The following ESCO1 variants were observed in gnomAD, a reference collection of about 807,000 sequenced individuals.
The protein encoded by ESCO1 is establishment of sister chromatid cohesion N-acetyltransferase 1.
A neutral mutation model predicts 83.5 loss-of-function variants in ESCO1; 33 were observed. The ratio of observed to expected loss-of-function variants is 0.40; its 90% CI spans 0.30 to 0.53. The LOEUF is 0.53. Among genes scored for constraint, ESCO1 ranks in the 20% least tolerant of loss-of-function variants. ESCO1 has a pLI of 0.63. For synonymous variants in ESCO1, 332 were observed against 324.3 expected (o/e 1.02, Z -0.25); for missense variants, 855 against 968.0 (o/e 0.88, Z 1.55).
At chr18:21,590,357 G>C (rs1372474952) in intron 1 of ESCO1, among the ~76,000 whole-genome samples, 1 of 151,812 alleles carries the variant, frequency 6.6e-6, no homozygotes, top group Non-Finnish European at 1.5e-5. Flanking sequence ...CAGTAGCTGG[G>C]ACTACAGGCA....
chr18:21,535,458 C>CT (rs1259607823), intron 10 of ESCO1, among the ~76,000 whole-genome samples: 1 of 151,866 alleles, frequency 6.6e-6, no homozygotes, highest in Non-Finnish European at 1.5e-5. Flanking sequence ...TCTTGGCTCA[C>CT]TGCAACCTCT....
chr18:21,582,326 T>G (rs946091169), intron 2 of ESCO1, among the ~76,000 whole-genome samples: 1 of 151,250 alleles, frequency 6.6e-6, no homozygotes, highest in Non-Finnish European at 1.5e-5. Flanking sequence ...GCCTCCTGGG[T>G]TCAAGCGAGT....
intron 8 of ESCO1, among the ~76,000 whole-genome samples, chr18:21,541,289 C>T (rs1434194080): frequency 1.3e-5 from 2 of 151,810 alleles, no homozygotes; most frequent in Non-Finnish European, 2.9e-5. Context: ...AGTTCTTCAA[C>T]GTAAATAAGG....
rs982689493 is a variant in ESCO1, at chr18:21,586,886, G to T, written c.-824-2446C>A. 2.0e-5 allele frequency among the ~76,000 whole-genome samples: 3 copies of T among 152,142 alleles called. No homozygotes were observed. In the South Asian group the frequency reaches 6.2e-4, roughly 31 times the overall value. On this transcript the variant is annotated intron_variant, in intron 1 of 11. Coordinates refer to ENST00000269214, the MANE Select transcript of ESCO1 (RefSeq NM_052911.3). The stretch of plus-strand genomic sequence containing the variant: ...AGTCTTGCATACTGTTAGGTATGAT[G>T]TTAGATGTGGATTTTTCACAGATGC...
intron 2 of ESCO1, among the ~76,000 whole-genome samples, chr18:21,582,232 CTTT>C (rs536091954): frequency 1.4e-5 from 2 of 143,232 alleles, no homozygotes; most frequent in Non-Finnish European, 1.5e-5. Flanking sequence ...TATGGGAAAT[CTTT>C]TTTTTTTTTT....
chr18:21,562,305 A>T (rs551571435), intron 7 of ESCO1, among the ~76,000 whole-genome samples: 55 of 152,156 alleles, frequency 3.6e-4, no homozygotes, highest in East Asian at 1.2e-3. Flanking sequence ...GTGAAACCCC[A>T]TCTCTACTAA....
intron 3 of ESCO1, 116 bp from the exon 4 acceptor site, chr18:21,575,546 T>A (rs1003931639): frequency 7.5e-6 from 3 of 398,144 alleles, no homozygotes; most frequent in African/African-American, 6.2e-5. Flanking sequence ...TTTTGAAGTA[T>A]CTAATCAGTA....
chr18:21,579,795 C>CGT (rs1568109865), intron 2 of ESCO1, among the ~76,000 whole-genome samples: 975 of 10,556 alleles, frequency 0.092, 21 homozygotes, highest in African/African-American at 0.12. Flanking sequence ...CGCGCGCGCG[C>CGT]ACACACACAC....
chr18:21,597,365 T>A (rs1309967912), intron 1 of ESCO1, among the ~76,000 whole-genome samples: 3 of 152,076 alleles, frequency 2.0e-5, no homozygotes. Context: ...CATTAAAATG[T>A]TATTTATTAA....
intron 9 of ESCO1, among the ~76,000 whole-genome samples, chr18:21,539,040 T>G (rs1414243187): frequency 1.3e-5 from 2 of 152,004 alleles, no homozygotes; most frequent in African/African-American, 2.4e-5. Context: ...AGTATGGAAC[T>G]CTAAGTTAGA....
In ESCO1 at chr18:21,574,518, T is replaced by A; in HGVS notation, c.326A>T (p.His109Leu). The change falls in exon 4 of 12, where the codon CAT (histidine) becomes CTT (leucine). Residue 109 changes from histidine to leucine, a missense_variant. Physicochemically the swap from His to Leu is moderately conservative, Grantham distance 99 (BLOSUM62 -3). This residue lies in a region of ESCO1 where 726 missense variants were observed against 699.5 expected (regional missense o/e 1.04). Coordinates refer to ENST00000269214, the MANE Select transcript of ESCO1 (RefSeq NM_052911.3). ...CTGTTCATTTGCTTTAGGGTTTTCA[T>A]GTACTAATTTTTTCTGAGATAATTT... ...KKKLSQKKLV[H>L]ENPKANEQLN... 1 of 1,613,914 alleles carries A rather than the reference T, an allele frequency of 6.2e-7. No homozygotes were observed. Among genetic ancestry groups the A allele is most frequent in the Non-Finnish European group, 8.5e-7 (1 of 1,179,968 alleles).
At chr18:21,536,406 A>G (rs2037837537) in intron 9 of ESCO1, among the ~76,000 whole-genome samples, 1 of 152,026 alleles carries the variant, frequency 6.6e-6, no homozygotes, top group Non-Finnish European at 1.5e-5. Flanking sequence ...CCTGGGCAAC[A>G]TGGTGAAACC....
intron 1 of ESCO1, among the ~76,000 whole-genome samples, chr18:21,587,347 T>G (rs1006321199): frequency 2.0e-5 from 3 of 152,206 alleles, no homozygotes; most frequent in African/African-American, 7.2e-5. Context: ...TAATTCTTCT[T>G]TAAATGTTTG....
intron 11 of ESCO1, among the ~76,000 whole-genome samples, chr18:21,531,181 C>T (rs2037762291): frequency 6.6e-6 from 1 of 152,198 alleles, no homozygotes; most frequent in Non-Finnish European, 1.5e-5. Context: ...GTGTCTCACA[C>T]CTGTAATCCC....
chr18:21,599,368 T>C (rs2038809007), intron 1 of ESCO1, among the ~76,000 whole-genome samples: 1 of 152,168 alleles, frequency 6.6e-6, no homozygotes, highest in South Asian at 2.1e-4. Context: ...CTTAAAACTT[T>C]ATTCGTGTTG....
intron 8 of ESCO1, among the ~76,000 whole-genome samples, chr18:21,542,745 T>C (rs1568093654): frequency 6.6e-6 from 1 of 152,206 alleles, no homozygotes; most frequent in East Asian, 1.9e-4. Flanking sequence ...CTAATATTTG[T>C]TCAAATAACA....
rs1484762122 is a variant in ESCO1, at chr18:21,554,905, C to T, written c.1953+5954G>A. ...CCTGGGGGACAGAGTGAGGCTCCGT[C>T]TCAAAAAATAAATAAATAAAATAAA... On this transcript the variant is annotated intron_variant, in intron 8 of 11. Coordinates refer to ENST00000269214, the MANE Select transcript of ESCO1 (RefSeq NM_052911.3). Among the ~76,000 whole-genome samples, 3 of 151,462 alleles carry T rather than the reference C, an allele frequency of 2.0e-5. No individual in the cohort carries two copies. In the East Asian group the frequency reaches 5.8e-4, roughly 29 times the overall value.
intron 7 of ESCO1, among the ~76,000 whole-genome samples, chr18:21,563,047 T>A (rs2038210143): frequency 6.6e-6 from 1 of 151,852 alleles, no homozygotes; most frequent in Non-Finnish European, 1.5e-5. Flanking sequence ...AATTTTGTAT[T>A]TTTAGTAGAG....
At chr18:21,565,464 C>T (rs969679089) in intron 6 of ESCO1, among the ~76,000 whole-genome samples, 8 of 152,136 alleles carry the variant, frequency 5.3e-5, no homozygotes, top group East Asian at 1.9e-4. Context: ...TCTGACAATG[C>T]GGGATAAGTT....
Sources: allele counts gnomAD v4.1 joint callset (sites outside exome capture counted in the v4.1 genomes callset), GRCh38; gene constraint gnomAD v4.1.1; regional missense constraint gnomAD v4.1.1; transcripts MANE v1.5; gene names NCBI Gene and HGNC (gene_info 2026-07-23, HGNC 2026-07-21).